The following CLVS1 variants were observed in gnomAD, a reference collection of about 807,000 sequenced individuals.
CLVS1 encodes clavesin 1, also known as clavesin-1.
In CLVS1, 10 loss-of-function variants were observed where a neutral mutation model predicts 33.1. The observed-to-expected ratio is 0.30, with a 90% CI of 0.19 to 0.51. The LOEUF (loss-of-function observed/expected upper bound fraction) is 0.51. CLVS1 is among the 20% of genes least tolerant of loss of function. The pLI, the probability that CLVS1 is intolerant of heterozygous loss-of-function variation, is 0.97. For synonymous variants in CLVS1, 163 were observed against 166.1 expected, an observed-to-expected ratio of 0.98 and a Z score of 0.14; for missense variants, 343 against 433.4, an observed-to-expected ratio of 0.79 and a Z score of 1.85.
chr8:61,499,341 A>AAT (rs1804455694), intron 5 of CLVS1, 114 bp from the exon 6 acceptor site: 1 of 679,928 alleles, frequency 1.5e-6, no homozygotes, highest in Non-Finnish European at 2.6e-6. Context: ...GCACCCAGTT[A>AAT]ATTTTTGAGT....
chr8:61,351,480 T>C (rs980663569), intron 2 of CLVS1, among the ~76,000 whole-genome samples: 3 of 151,876 alleles, frequency 2.0e-5, no homozygotes, highest in African/African-American at 7.3e-5. Flanking sequence ...ATTCATAGGA[T>C]CAGCATTCCA....
At chr8:61,032,694 G>A in the CLVS1 span, among the ~76,000 whole-genome samples, 2 of 152,100 alleles carry the variant, frequency 1.3e-5, no homozygotes, top group African/African-American at 4.8e-5. Flanking sequence ...TGAGATTCAG[G>A]TATGGGAAAC....
intron 2 of CLVS1, among the ~76,000 whole-genome samples, chr8:61,217,398 G>A (rs559205835): frequency 6.6e-6 from 1 of 152,256 alleles, no homozygotes; most frequent in African/African-American, 2.4e-5. Context: ...TGCAACAAAT[G>A]TTCAAGCTCT....
chr8:61,410,066 GT>G (rs201195565), intron 3 of CLVS1, among the ~76,000 whole-genome samples: 3,086 of 106,894 alleles, frequency 0.029, 50 homozygotes, highest in East Asian at 0.18. Context: ...ACTTGCAGAG[GT>G]TTTTTTTTTT....
intron 3 of CLVS1, among the ~76,000 whole-genome samples, chr8:61,404,064 C>A (rs1814881851): frequency 6.6e-6 from 1 of 152,158 alleles, no homozygotes; most frequent in Non-Finnish European, 1.5e-5. Context: ...GTGAGCAGAA[C>A]CCTGCCTGGA....
intron 2 of CLVS1, among the ~76,000 whole-genome samples, chr8:61,236,038 A>G (rs10110755): frequency 6.6e-6 from 1 of 151,914 alleles, no homozygotes; most frequent in African/African-American, 2.4e-5. Flanking sequence ...GTCCTTTGTG[A>G]TCCTCCTGGA....
intron 2 of CLVS1, among the ~76,000 whole-genome samples, chr8:61,363,297 A>T (rs1245488005): frequency 1.3e-5 from 2 of 152,220 alleles, no homozygotes; most frequent in Non-Finnish European, 2.9e-5. Flanking sequence ...AATTGTGTCT[A>T]TATACATATT....
intron 3 of CLVS1, among the ~76,000 whole-genome samples, chr8:61,386,977 C>A (rs1442679435): frequency 6.6e-6 from 1 of 152,118 alleles, no homozygotes. Context: ...GCCTTTGAGG[C>A]CAACTAAAGA....
chr8:61,400,416 C>T (rs1390924653), intron 3 of CLVS1, among the ~76,000 whole-genome samples: 1 of 152,184 alleles, frequency 6.6e-6, no homozygotes, highest in African/African-American at 2.4e-5. Flanking sequence ...TGCTTATCAG[C>T]TTAAGAAGCT....
chr8:61,018,641 T>C, the CLVS1 span, among the ~76,000 whole-genome samples: 2 of 152,226 alleles, frequency 1.3e-5, no homozygotes, highest in Non-Finnish European at 2.9e-5. Flanking sequence ...CAATTATATC[T>C]TGATTGTACG....
chr8:61,092,382 C>G (rs2129284730), intron 1 of CLVS1, among the ~76,000 whole-genome samples: 1 of 152,270 alleles, frequency 6.6e-6, no homozygotes, highest in East Asian at 1.9e-4. Flanking sequence ...TGCTTGAAGC[C>G]TCATAGGAAG....
At chr8:61,013,421 T>C in the CLVS1 span, among the ~76,000 whole-genome samples, 1 of 152,202 alleles carries the variant, frequency 6.6e-6, no homozygotes, top group Non-Finnish European at 1.5e-5. Context: ...AGCTCCCAGC[T>C]GCATTTTGCC....
In CLVS1 at chr8:61,298,611, G is replaced by A. The variant is rs186303698; in HGVS notation, c.-151-1066G>A. On this transcript the variant is annotated intron_variant, in intron 1 of 5. Transcript: ENST00000325897. ...TGATTAGATTGGGAGTAAATATTCTGCCTCTTACTGCAGATAAGATTGACT... is the reference window on the plus strand; with the variant it reads ...TGATTAGATTGGGAGTAAATATTCTACCTCTTACTGCAGATAAGATTGACT... Among the ~76,000 whole-genome samples the A allele has an allele frequency of 1.9e-3, 293 of 152,184 alleles. 1 individual carries two copies. Among genetic ancestry groups the A allele is most frequent in the African/African-American group, 6.7e-3 (280 of 41,524 alleles).
chr8:61,327,777 C>T (rs1219021544), intron 2 of CLVS1, among the ~76,000 whole-genome samples: 1 of 152,184 alleles, frequency 6.6e-6, no homozygotes, highest in Non-Finnish European at 1.5e-5. Context: ...AACCTATCAA[C>T]ATTTAAGACC....
chr8:61,068,130 C>A (rs2129279498), intron 1 of CLVS1, among the ~76,000 whole-genome samples: 1 of 150,702 alleles, frequency 6.6e-6, no homozygotes, highest in South Asian at 2.1e-4. Context: ...CCTGATTGCA[C>A]CACTGCACTC....
intron 2 of CLVS1, among the ~76,000 whole-genome samples, chr8:61,347,661 TA>T: frequency 1.7e-5 from 2 of 115,770 alleles, no homozygotes; most frequent in Non-Finnish European, 3.6e-5. Context: ...TATATATATA[TA>T]TATATATATA....
At chr8:61,316,969 G>C (rs1314398861) in intron 2 of CLVS1, among the ~76,000 whole-genome samples, 2 of 151,908 alleles carry the variant, frequency 1.3e-5, no homozygotes, top group African/African-American at 4.8e-5. Context: ...AAAAATGTTT[G>C]GCCCCTTATT....
At chr8:61,039,330 G>T in the CLVS1 span, among the ~76,000 whole-genome samples, 2 of 152,016 alleles carry the variant, frequency 1.3e-5, no homozygotes. Context: ...ACCTACTAAA[G>T]TGCCATGATT....
intron 1 of CLVS1, among the ~76,000 whole-genome samples, chr8:61,106,025 T>C (rs1027598040): frequency 1.2e-4 from 19 of 152,360 alleles, no homozygotes; most frequent in Admixed American, 1.2e-3. Context: ...TGTGTTCCTG[T>C]GTACTACAGC....
Sources: gnomAD v4.1 joint callset for allele counts (sites outside exome capture counted in the v4.1 genomes callset) on GRCh38, gnomAD v4.1.1 for gene constraint, MANE v1.5 for transcripts, NCBI Gene and HGNC (gene_info 2026-07-23, HGNC 2026-07-21) for gene names.